Variants in EXO1 observed in about 807,000 individuals in gnomAD.
EXO1 encodes exonuclease 1.
A neutral mutation model predicts 84.5 loss-of-function variants in EXO1; 69 were observed. The ratio of observed to expected loss-of-function variants is 0.82; its 90% CI spans 0.67 to 1.00. The LOEUF (loss-of-function observed/expected upper bound fraction) is 1.00, where lower values mean the gene tolerates loss of function less well. Ranked by LOEUF, EXO1 falls within the 50% of genes least tolerant of loss-of-function variation. EXO1 has a pLI of 0.00. For missense variants in EXO1, 1,045 were observed against 1,000.7 expected, an observed-to-expected ratio of 1.04 and a Z score of -0.60; for synonymous variants, 373 against 366.1, an observed-to-expected ratio of 1.02 and a Z score of -0.21.
At position 241,858,733 on chromosome 1, in the gene EXO1, C is replaced by T; in HGVS notation, c.756+15C>T. 4 of 1,503,974 alleles carry T rather than the reference C, an allele frequency of 2.7e-6. No individual in the cohort carries two copies. Among genetic ancestry groups the T allele is most frequent in the Non-Finnish European group, 3.7e-6 (4 of 1,079,472 alleles). The allele number at this position is 1,503,974 out of a possible 1,614,324, so 93.2% of individuals were successfully genotyped here. On this transcript the variant is annotated intron_variant, in intron 8 of 15. Transcript: ENST00000366548. ...ATATAGTAAAGGTAAGAGTGATTTG[C>T]TAAGTGTCATATTCAATTTCTGAAG...
At position 241,850,455 on chromosome 1, in the gene EXO1, C is replaced by T; in HGVS notation, c.30C>T (p.Ile10=). Residue 10 remains isoleucine (I), a synonymous_variant, in exon 4 of 16, where the codon ATC becomes ATT. Coordinates refer to ENST00000366548, the MANE Select transcript of EXO1 (RefSeq NM_130398.4). Reference sequence around the variant, plus strand: ...GGATACAGGGATTGCTACAATTTATCAAAGAAGCTTCAGAACCCATCCATG... The same window carrying T: ...GGATACAGGGATTGCTACAATTTATTAAAGAAGCTTCAGAACCCATCCATG... MGIQGLLQF[I]KEASEPIHVR... The T allele has an allele frequency of 6.2e-7, 1 of 1,613,912 alleles. No homozygotes were observed. The highest frequency in any genetic ancestry group is 8.5e-7 in the Non-Finnish European group (1 of 1,179,826).
chr1:241,854,736 G>T, intron 6 of EXO1: 1 of 157,352 alleles, frequency 6.4e-6, no homozygotes, highest in South Asian at 2.0e-4. Flanking sequence ...GAATTGGTGG[G>T]TTCTTGGCCT....
At position 241,853,998 on chromosome 1, in the gene EXO1, A is replaced by G. The variant is rs12023297; in HGVS notation, c.405+517A>G. Among the ~76,000 whole-genome samples, 73 of 152,292 alleles carry G rather than the reference A, an allele frequency of 4.8e-4. No individual in the cohort carries two copies. The East Asian group carries it at 0.01, about 21-fold the overall frequency. ...AGCTTCGTTGCCCCAGGCACCCTAC[A>G]GACTTCTGTTCCCTTTCACCTCCTC... On this transcript the variant is annotated intron_variant, in intron 6 of 15. Transcript: ENST00000366548.
intron 11 of EXO1, 61 bp from the exon 12 acceptor site, chr1:241,871,971 A>C (rs4149961): frequency 0.012 from 16,858 of 1,388,786 alleles, 426 homozygotes; most frequent in South Asian, 0.075. Flanking sequence ...AACTGAAGTT[A>C]AGGCCAAATC....
chr1:241,876,413 C>A (rs1662405550), intron 12 of EXO1, among the ~76,000 whole-genome samples: 2 of 151,632 alleles, frequency 1.3e-5, no homozygotes, highest in African/African-American at 4.8e-5. Flanking sequence ...GAAACCCCGT[C>A]TCTACTAAGT....
At chr1:241,849,572 G>C (rs534100191) in intron 3 of EXO1, among the ~76,000 whole-genome samples, 39 of 152,314 alleles carry the variant, frequency 2.6e-4, no homozygotes, top group Admixed American at 6.5e-4. Context: ...CAGAATGTTC[G>C]TGCTTAGAAT....
intron 12 of EXO1, among the ~76,000 whole-genome samples, chr1:241,876,956 C>T (rs1411734852): frequency 6.6e-6 from 1 of 152,184 alleles, no homozygotes; most frequent in Admixed American, 6.5e-5. Context: ...ATACATAAGG[C>T]TGTTGTGAAG....
chr1:241,864,057 A>T (rs1661560842), intron 10 of EXO1, among the ~76,000 whole-genome samples: 1 of 152,098 alleles, frequency 6.6e-6, no homozygotes, highest in Non-Finnish European at 1.5e-5. Context: ...ACTGCTGTGT[A>T]CCTTTTTCCT....
At chr1:241,864,648 G>A (rs1442450512) in intron 10 of EXO1, among the ~76,000 whole-genome samples, 1 of 152,148 alleles carries the variant, frequency 6.6e-6, no homozygotes, top group Non-Finnish European at 1.5e-5. Flanking sequence ...GTTTCTGTAG[G>A]TGGAATTGGC....
intron 12 of EXO1, among the ~76,000 whole-genome samples, chr1:241,874,204 GC>G (rs555823487): frequency 5.2e-4 from 79 of 152,304 alleles, no homozygotes; most frequent in African/African-American, 1.8e-3. Flanking sequence ...TTTGAGACTA[GC>G]CTGGATGAAA....
chr1:241,882,867 G>A (rs1662854993), intron 14 of EXO1, among the ~76,000 whole-genome samples: 1 of 152,080 alleles, frequency 6.6e-6, no homozygotes, highest in Non-Finnish European at 1.5e-5. Flanking sequence ...TAAAAAGTAA[G>A]TATTGGTCTG....
chr1:241,857,922 A>G (rs1224141758), intron 7 of EXO1, among the ~76,000 whole-genome samples: 1 of 152,224 alleles, frequency 6.6e-6, no homozygotes, highest in Non-Finnish European at 1.5e-5. Context: ...AATTATGTAT[A>G]AAACTATTTC....
chr1:241,855,296 G>C (rs2148401431), intron 6 of EXO1, among the ~76,000 whole-genome samples: 1 of 152,220 alleles, frequency 6.6e-6, no homozygotes, highest in Admixed American at 6.5e-5. Flanking sequence ...AGATTAGTTA[G>C]ATACAGTGTC....
chr1:241,853,369 C>T lies in EXO1; in HGVS notation c.293C>T (p.Ala98Val). 6.2e-6 allele frequency: 10 copies of T among 1,613,834 alleles called. No individual in the cohort carries two copies. Among genetic ancestry groups the T allele is most frequent in the Non-Finnish European group, 8.5e-6 (10 of 1,179,796 alleles). The change falls in exon 6 of 16, where the codon GCC becomes GTC. Residue 98 changes from alanine to valine, a missense_variant. By Grantham distance (64) the Ala-to-Val change is moderately conservative (BLOSUM62 0). Transcript: ENST00000366548. ...TTCTTCCCTTGCAGAAGACGACAAG[C>T]CAATCTTCTTAAGGGAAAGCAACTT... is the stretch of plus-strand genomic sequence containing the variant. Reference protein sequence around the residue: ...VERSRRERRQANLLKGKQLLR... With the variant: ...VERSRRERRQVNLLKGKQLLR...
chr1:241,852,374 T>C lies in EXO1; in HGVS notation c.244T>C (p.Leu82=), dbSNP rs150678179. The C allele has an allele frequency of 6.3e-5, 101 of 1,592,734 alleles. No homozygotes were observed. The highest frequency in any genetic ancestry group is 1.0e-4 in the Admixed American group (6 of 59,978). Residue 82 remains leucine (L), a synonymous_variant, in exon 5 of 16, where the codon TTA becomes CTA. Transcript: ENST00000366548. ...TATTCTCGTATTTGATGGATGTACT[T>C]TACCTTCTAAAAAGGAAGTAGAGAG... ...KPILVFDGCT[L]PSKKEVERSR...
chr1:241,850,700 T>C, intron 4 of EXO1, 114 bp downstream of exon 4: 1 of 853,060 alleles, frequency 1.2e-6, no homozygotes. Flanking sequence ...TATCAGGAAG[T>C]AAAAGTTGTA....
At chr1:241,880,353 T>TG (rs2148516481) in intron 13 of EXO1, among the ~76,000 whole-genome samples, 1 of 152,304 alleles carries the variant, frequency 6.6e-6, no homozygotes, top group African/African-American at 2.4e-5. Context: ...TGAGCTCCTT[T>TG]GGGGTTATCT....
At chr1:241,888,334 G>A (rs1663181020) in intron 15 of EXO1, among the ~76,000 whole-genome samples, 1 of 152,142 alleles carries the variant, frequency 6.6e-6, no homozygotes, top group African/African-American at 2.4e-5. Context: ...ACATTTTTGA[G>A]ACTTTTTTTT....
chr1:241,889,548 A>T lies in EXO1; in HGVS notation c.2489A>T (p.Asp830Val). Reference sequence around the variant, plus strand: ...CAACTAACTCCAGAAGCGGAAGAGGATATATTTAACAAACCTGAATGTGGC... The same window carrying T: ...CAACTAACTCCAGAAGCGGAAGAGGTTATATTTAACAAACCTGAATGTGGC... ...NIQLTPEAEEDIFNKPECGRV... is the reference protein window; with the variant it reads ...NIQLTPEAEEVIFNKPECGRV... Residue 830 changes from aspartate (D) to valine (V), a missense_variant, in exon 16 of 16, where the codon GAT becomes GTT. Coordinates refer to ENST00000366548, the MANE Select transcript of EXO1 (RefSeq NM_130398.4). The T allele has an allele frequency of 6.2e-7, 1 of 1,613,958 alleles. No homozygotes were observed.
Sources: allele counts gnomAD v4.1 joint callset (sites outside exome capture counted in the v4.1 genomes callset), GRCh38; gene constraint gnomAD v4.1.1; transcripts MANE v1.5; gene names NCBI Gene and HGNC (gene_info 2026-07-23, HGNC 2026-07-21).